The following HCN1 variants were observed in gnomAD, a reference collection of about 807,000 sequenced individuals.
HCN1 encodes hyperpolarization activated cyclic nucleotide gated potassium channel 1.
Under a neutral mutation model 78.9 loss-of-function variants are expected in HCN1, and 13 were observed. The observed-to-expected ratio is 0.16, with a 90% CI of 0.11 to 0.26. The LOEUF (loss-of-function observed/expected upper bound fraction) is 0.26. Among genes scored for constraint, HCN1 ranks in the 10% least tolerant of loss-of-function variants. The probability of loss-of-function intolerance (pLI) is 1.00; values close to 1 mark genes in which losing one functional copy is unlikely to be tolerated. For missense variants in HCN1, 810 were observed against 1,154.3 expected (o/e 0.70, Z 4.32); for synonymous variants, 552 against 455.5 (o/e 1.21, Z -2.70).
chr5:45,324,141 C>T (rs1284229179), intron 5 of HCN1, among the ~76,000 whole-genome samples: 2 of 151,920 alleles, frequency 1.3e-5, no homozygotes, highest in Admixed American at 6.6e-5. Context: ...GCCACACCAA[C>T]TTCCATGATG....
intron 1 of HCN1, among the ~76,000 whole-genome samples, chr5:45,663,221 TAATA>T (rs1745956792): frequency 8.4e-6 from 1 of 119,606 alleles, no homozygotes; most frequent in East Asian, 2.7e-4. Flanking sequence ...ATTCCCTATT[TAATA>T]AATGGTGCTG....
chr5:45,570,656 G>A (rs1188343186), intron 2 of HCN1, among the ~76,000 whole-genome samples: 1 of 152,090 alleles, frequency 6.6e-6, no homozygotes, highest in East Asian at 1.9e-4. Flanking sequence ...AAACTGGATA[G>A]TTGATCTAGT....
At chr5:45,395,576 T>G (rs544858751) in intron 4 of HCN1, among the ~76,000 whole-genome samples, 2 of 152,294 alleles carry the variant, frequency 1.3e-5, no homozygotes, top group East Asian at 3.9e-4. Flanking sequence ...AACTGAAAAC[T>G]TCTTTGGATG....
chr5:45,587,469 T>G (rs563398755), intron 2 of HCN1, among the ~76,000 whole-genome samples: 32 of 150,614 alleles, frequency 2.1e-4, no homozygotes, highest in Non-Finnish European at 4.4e-4. Context: ...AAACACTGCA[T>G]GTTCTCACTC....
rs2111835692 is a variant in HCN1, at chr5:45,260,428, C to T, written c.*1493G>A. On this transcript the variant is annotated 3_prime_UTR_variant, in exon 8 of 8. Coordinates refer to ENST00000303230, the MANE Select transcript of HCN1 (RefSeq NM_021072.4). ...GAGTTAAGAAAACAGACAGACAATGCTCATAGACGTTCAACTTTACCCCTG... is the reference window on the plus strand; with the variant it reads ...GAGTTAAGAAAACAGACAGACAATGTTCATAGACGTTCAACTTTACCCCTG... 6.6e-6 allele frequency: 1 copy of T among 152,304 alleles called. No homozygotes were observed. Among genetic ancestry groups the T allele is most frequent in the Non-Finnish European group, 1.5e-5 (1 of 68,026 alleles). The allele number at this position is 152,304 out of a possible 1,614,324, so 9.4% of individuals were successfully genotyped here.
At chr5:45,349,800 T>C (rs1231810994) in intron 5 of HCN1, among the ~76,000 whole-genome samples, 1 of 151,994 alleles carries the variant, frequency 6.6e-6, no homozygotes, top group Non-Finnish European at 1.5e-5. Context: ...TCTCGACACA[T>C]ACACCCTCCC....
At chr5:45,542,998 A>C (rs2111832926) in intron 2 of HCN1, among the ~76,000 whole-genome samples, 1 of 152,266 alleles carries the variant, frequency 6.6e-6, no homozygotes, top group Admixed American at 6.6e-5. Flanking sequence ...CAACATTTTT[A>C]ACCAAAGCCA....
At chr5:45,421,098 T>C (rs946899589) in intron 3 of HCN1, among the ~76,000 whole-genome samples, 1 of 152,060 alleles carries the variant, frequency 6.6e-6, no homozygotes. Flanking sequence ...AGTCTTGCTC[T>C]GTCGCCCAGG....
chr5:45,620,487 A>G (rs921101310), intron 2 of HCN1, among the ~76,000 whole-genome samples: 3 of 151,856 alleles, frequency 2.0e-5, no homozygotes, highest in Non-Finnish European at 4.4e-5. Context: ...TAATTTTTTT[A>G]AATTTTCTGA....
Position 45,342,194 on chromosome 5 carries a change from C to A in HCN1, c.1377+10906G>T, listed in dbSNP as rs1447458987. ...ATATTTTTACATTTATCTTTTAATT[C>A]CATTTTCTATGATCTTTTTGAAATC... On this transcript the variant is annotated intron_variant, in intron 5 of 7. Coordinates refer to ENST00000303230, the MANE Select transcript of HCN1 (RefSeq NM_021072.4). 2.0e-5 allele frequency among the ~76,000 whole-genome samples: 3 copies of A among 151,460 alleles called. No homozygotes were observed. The South Asian group carries it at 6.3e-4, about 32-fold the overall frequency.
chr5:45,523,611 T>C (rs940829436), intron 2 of HCN1, among the ~76,000 whole-genome samples: 2 of 152,160 alleles, frequency 1.3e-5, no homozygotes, highest in Non-Finnish European at 2.9e-5. Context: ...TGATGGCCAG[T>C]GATGGTGAGC....
chr5:45,492,406 T>TATATATAC (rs1741904412), intron 2 of HCN1, among the ~76,000 whole-genome samples: 1 of 144,896 alleles, frequency 6.9e-6, no homozygotes, highest in African/African-American at 2.5e-5. Context: ...TATATATATA[T>TATATATAC]ATATATATAT....
chr5:45,543,375 C>A (rs1383539458), intron 2 of HCN1, among the ~76,000 whole-genome samples: 1 of 151,996 alleles, frequency 6.6e-6, no homozygotes, highest in Non-Finnish European at 1.5e-5. Context: ...ATTTTGTTTT[C>A]TTCCAAACTA....
chr5:45,430,320 G>A (rs2112076280), intron 3 of HCN1, among the ~76,000 whole-genome samples: 1 of 151,964 alleles, frequency 6.6e-6, no homozygotes, highest in East Asian at 1.9e-4. Context: ...GGGTACATGT[G>A]TAGGTTTGTT....
chr5:45,539,083 T>C (rs1173737997), intron 2 of HCN1, among the ~76,000 whole-genome samples: 1 of 152,200 alleles, frequency 6.6e-6, no homozygotes, highest in African/African-American at 2.4e-5. Flanking sequence ...ATTTGTAACT[T>C]AGCAGCAGTC....
Position 45,696,234 on chromosome 5 carries a change from G to GGCGGCTGCT in HCN1, c.-150_-142dup. The GGCGGCTGCT allele has an allele frequency of 4.5e-6, 1 of 222,750 alleles. No individual in the cohort carries two copies. The allele number at this position is 222,750 out of a possible 1,614,324, so 13.8% of individuals were successfully genotyped here. A position where few individuals can be genotyped will look rare whatever the true frequency, so the allele number is the denominator to read the frequency against. On this transcript the variant is annotated 5_prime_UTR_variant, in exon 1 of 8. Coordinates refer to ENST00000303230, the MANE Select transcript of HCN1 (RefSeq NM_021072.4). ...CCGTCGCGGCGGCGGCGGCGGCGGCGGCGGCTGCTGCTTCCCGACCGCGCC... is the reference window on the plus strand; with the variant it reads ...CCGTCGCGGCGGCGGCGGCGGCGGCGGCGGCTGCTGCGGCTGCTGCTTCCCGACCGCGCC...
chr5:45,632,717 G>A (rs907581165), intron 2 of HCN1, among the ~76,000 whole-genome samples: 1 of 151,968 alleles, frequency 6.6e-6, no homozygotes, highest in Non-Finnish European at 1.5e-5. Flanking sequence ...TTTTACAACA[G>A]CTTTTGGTGG....
chr5:45,351,215 A>C (rs1003936453), intron 5 of HCN1, among the ~76,000 whole-genome samples: 5 of 151,958 alleles, frequency 3.3e-5, no homozygotes, highest in Non-Finnish European at 7.4e-5. Context: ...CTTCAGAAAT[A>C]ATGCCGCATA....
chr5:45,497,068 T>G (rs145624164), intron 2 of HCN1, among the ~76,000 whole-genome samples: 4,620 of 152,224 alleles, frequency 0.03, 274 homozygotes, highest in African/African-American at 0.1. Context: ...GTCTGAGAGA[T>G]AGTTTGTTAT....
Sources: allele counts gnomAD v4.1 joint callset (sites outside exome capture counted in the v4.1 genomes callset), GRCh38; gene constraint gnomAD v4.1.1; transcripts MANE v1.5; gene names NCBI Gene and HGNC (gene_info 2026-07-23, HGNC 2026-07-21).